LRRFIP2: variants seen among roughly 807,000 people sequenced by gnomAD.
LRRFIP2 encodes the protein LRR binding FLII interacting protein 2.
Under a neutral mutation model 125.9 loss-of-function variants are expected in LRRFIP2, and 109 were observed. The observed-to-expected ratio is 0.87, with a 90% CI of 0.74 to 1.01. The LOEUF (loss-of-function observed/expected upper bound fraction) is 1.01. LRRFIP2 is among the 50% of genes least tolerant of loss of function. LRRFIP2 has a pLI of 0.00. For synonymous variants in LRRFIP2, 291 were observed against 293.1 expected (o/e 0.99, Z 0.07); for missense variants, 850 against 862.3 (o/e 0.99, Z 0.18).
rs138905154 is a variant in LRRFIP2 at position 37,062,848 on chromosome 3, A to G, written c.1749+894T>C. On this transcript the variant is annotated intron_variant, in intron 24 of 27. Transcript: ENST00000336686. ...CAGGAAGCTACTGGAAGATGTACCA[A>G]AATAAGAGAATAAATAAGGAGAAAG... 6.3e-3 allele frequency among the ~76,000 whole-genome samples: 953 copies of G among 152,290 alleles called. 7 individuals are homozygous for G. The highest frequency in any genetic ancestry group is 0.021 in the African/African-American group (876 of 41,556).
chr3:37,109,761 A>G (rs1576750922), intron 9 of LRRFIP2, 58 bp from the exon 10 acceptor site: 8 of 1,467,884 alleles, frequency 5.5e-6, no homozygotes, highest in Non-Finnish European at 7.6e-6. Context: ...AATTGGTCTC[A>G]CCATCATGAA....
chr3:37,070,530 G>A (rs1266168389), intron 21 of LRRFIP2, among the ~76,000 whole-genome samples: 2 of 151,274 alleles, frequency 1.3e-5, no homozygotes, highest in Non-Finnish European at 2.9e-5. Flanking sequence ...GAGGTCAGGA[G>A]TTCGAGACCA....
intron 2 of LRRFIP2, among the ~76,000 whole-genome samples, chr3:37,137,115 T>C (rs1560017019): frequency 6.6e-6 from 1 of 151,966 alleles, no homozygotes; most frequent in East Asian, 1.9e-4. Context: ...ACTATAGGCA[T>C]ACACCACCAC....
intron 19 of LRRFIP2, among the ~76,000 whole-genome samples, chr3:37,077,705 T>G (rs2092234371): frequency 2.6e-5 from 4 of 152,152 alleles, no homozygotes; most frequent in Admixed American, 2.0e-4. Context: ...GTTACAAAAT[T>G]GTAAAACAAA....
At chr3:37,109,451 G>T in intron 11 of LRRFIP2, 76 bp downstream of exon 11, 1 of 1,489,662 alleles carries the variant, frequency 6.7e-7, no homozygotes, top group Non-Finnish European at 9.4e-7. Flanking sequence ...TTGGAGAAAA[G>T]CTGTCAAGCC....
rs748903305 is a variant in LRRFIP2 at position 37,091,487 on chromosome 3, G to C, written c.1087C>G (p.Gln363Glu). The change falls in exon 18 of 28, where the codon CAG (glutamine) becomes GAG (glutamate). Residue 363 changes from glutamine to glutamate, a missense_variant. Transcript: ENST00000336686. The part of the protein sequence containing the change: ...QIQDVEGRYM[Q>E]GLKELKESLS... ...GATACCTTTAGTTCTTTAAGCCCCT[G>C]CATGTATCTCCCTTCTACATCCTGT... 3.1e-6 allele frequency: 5 copies of C among 1,611,906 alleles called. No homozygotes were observed. In the East Asian group the frequency reaches 8.9e-5, roughly 29 times the overall value.
intron 2 of LRRFIP2, among the ~76,000 whole-genome samples, chr3:37,131,894 C>A (rs989879305): frequency 1.3e-5 from 2 of 152,210 alleles, no homozygotes; most frequent in African/African-American, 4.8e-5. Context: ...AAATAGTTAA[C>A]TGCTACTCAA....
chr3:37,066,504 A>G (rs930458104), intron 21 of LRRFIP2, 179 bp from the exon 22 acceptor site: 1 of 591,010 alleles, frequency 1.7e-6, no homozygotes, highest in Non-Finnish European at 3.0e-6. Context: ...ATGGATATAC[A>G]TCTCCAGAAG....
rs578093083 is a variant in LRRFIP2 at position 37,149,372 on chromosome 3, C to A, written c.-55-334G>T. Among the ~76,000 whole-genome samples, 568 of 152,042 alleles carry A rather than the reference C, an allele frequency of 3.7e-3. 4 individuals are homozygous for A. Among genetic ancestry groups the A allele is most frequent in the South Asian group, 4.6e-3 (22 of 4,806 alleles). The stretch of plus-strand genomic sequence containing the variant: ...TCTCTATCAAAAATACAAAAATTAG[C>A]CGAGCAGGGTGGTGCATGTCTGTAA... On this transcript the variant is annotated intron_variant, in intron 1 of 27. Coordinates refer to ENST00000336686, the MANE Select transcript of LRRFIP2 (RefSeq NM_006309.4).
intron 13 of LRRFIP2, among the ~76,000 whole-genome samples, chr3:37,107,501 CAG>C (rs2094386392): frequency 6.6e-6 from 1 of 152,076 alleles, no homozygotes; most frequent in South Asian, 2.1e-4. Flanking sequence ...TATTGAAGAA[CAG>C]AGATTACATT....
intron 2 of LRRFIP2, chr3:37,135,185 G>T: frequency 2.2e-6 from 2 of 925,130 alleles, no homozygotes. Context: ...AAAAGGCTGG[G>T]CACGTTGGCT....
chr3:37,139,391 G>A (rs1473777410), intron 2 of LRRFIP2, among the ~76,000 whole-genome samples: 2 of 152,152 alleles, frequency 1.3e-5, no homozygotes, highest in African/African-American at 2.4e-5. Flanking sequence ...ATTATCAATG[G>A]AAAAAGTTTC....
chr3:37,062,805 A>G (rs972544623), intron 24 of LRRFIP2, among the ~76,000 whole-genome samples: 5 of 152,136 alleles, frequency 3.3e-5, no homozygotes, highest in Non-Finnish European at 7.3e-5. Flanking sequence ...AAAATTAACA[A>G]TCCACAAACC....
chr3:37,063,823 T>C, intron 23 of LRRFIP2, 32 bp from the exon 24 acceptor site: 2 of 1,505,800 alleles, frequency 1.3e-6, no homozygotes, highest in Non-Finnish European at 1.8e-6. Flanking sequence ...ATAAACTAAA[T>C]ATGTGATGAT....
At chr3:37,140,366 T>C (rs2095661717) in intron 2 of LRRFIP2, 1 of 152,222 alleles carries the variant, frequency 6.6e-6, no homozygotes, top group African/African-American at 2.4e-5. Context: ...ATTGGAAAGA[T>C]ACAGAGATTA....
intron 4 of LRRFIP2, among the ~76,000 whole-genome samples, chr3:37,121,957 T>C (rs1163193121): frequency 6.6e-6 from 1 of 151,754 alleles, no homozygotes; most frequent in African/African-American, 2.4e-5. Context: ...CTATGGTACA[T>C]GTGCACAACG....
intron 1 of LRRFIP2, among the ~76,000 whole-genome samples, chr3:37,160,616 C>T (rs922291894): frequency 2.6e-5 from 4 of 151,790 alleles, no homozygotes; most frequent in Non-Finnish European, 5.9e-5. Context: ...CCTATCTCTA[C>T]TAAAAATACA....
intron 17 of LRRFIP2, among the ~76,000 whole-genome samples, chr3:37,092,748 C>T (rs188811218): frequency 5.9e-5 from 9 of 152,330 alleles, no homozygotes; most frequent in Admixed American, 1.3e-4. Flanking sequence ...CCTAGGTGCT[C>T]TCCTTCTCTG....
At chr3:37,176,302 C>T (rs1209557699), upstream of LRRFIP2, 1 of 152,266 alleles carries the variant, frequency 6.6e-6, no homozygotes, top group East Asian at 1.9e-4. Flanking sequence ...CGGGAGGAGC[C>T]GCAGCCTGAG....
Sources: allele counts gnomAD v4.1 joint callset (sites outside exome capture counted in the v4.1 genomes callset), GRCh38; gene constraint gnomAD v4.1.1; transcripts MANE v1.5; gene names NCBI Gene and HGNC (gene_info 2026-07-23, HGNC 2026-07-21).